Variants in TIAM1 observed in about 807,000 individuals in gnomAD.
TIAM1 encodes TIAM Rac1 associated GEF 1, also known as rho guanine nucleotide exchange factor TIAM1.
In TIAM1, 65 loss-of-function variants were observed where a neutral mutation model predicts 163.5. The observed-to-expected ratio is 0.40, with a 90% CI of 0.33 to 0.49. The LOEUF (loss-of-function observed/expected upper bound fraction) is 0.49. TIAM1 is among the 20% of genes least tolerant of loss of function. The pLI is 0.77. For synonymous variants in TIAM1, 833 were observed against 810.1 expected (o/e 1.03, Z -0.48); for missense variants, 1,789 against 2,044.7 (o/e 0.87, Z 2.41).
chr21:31,232,146 GA>G (rs1601640592), intron 6 of TIAM1, among the ~76,000 whole-genome samples: 1 of 151,724 alleles, frequency 6.6e-6, no homozygotes. Context: ...CAATTTAAAA[GA>G]AAAAATAATT....
chr21:31,165,025 G>T lies in TIAM1; in HGVS notation c.2928C>A (p.Thr976=). The stretch of plus-strand genomic sequence containing the variant: ...CTGGCCCCTCGGTCTCCTCTGGAGC[G>T]GTCTCAGCACTGCTGCCCTGCTCGC... ...LCSEQGSSAE[T]APEETEGPDL... Residue 976 remains threonine (T), a synonymous_variant, in exon 16 of 28, where the codon ACC becomes ACA. Transcript: ENST00000541036. 1 of 1,614,070 alleles carries T rather than the reference G, an allele frequency of 6.2e-7. No homozygotes were observed. The highest frequency in any genetic ancestry group is 8.5e-7 in the Non-Finnish European group (1 of 1,180,044).
chr21:31,219,857 G>A (rs1400941013), intron 8 of TIAM1, among the ~76,000 whole-genome samples: 2 of 152,066 alleles, frequency 1.3e-5, no homozygotes, highest in African/African-American at 4.8e-5. Context: ...GTGTCACAGG[G>A]AACAAAATCA....
At chr21:31,181,756 C>CTTTTTTTTTTTTTTTTTT (rs781153297) in intron 15 of TIAM1, among the ~76,000 whole-genome samples, 1 of 41,342 alleles carries the variant, frequency 2.4e-5, no homozygotes, top group African/African-American at 7.9e-5. Context: ...TCTTCTTCTT[C>CTTTTTTTTTTTTTTTTTT]TTTTTTTTTT....
In TIAM1 at chr21:31,414,323, T is replaced by C. The variant is rs1178424390; in HGVS notation, c.-369+49660A>G. Among the ~76,000 whole-genome samples, 3 of 141,246 alleles carry C rather than the reference T, an allele frequency of 2.1e-5. No individual in the cohort carries two copies. The East Asian group carries it at 7.2e-4, about 34-fold the overall frequency. The allele number at this position is 141,246 out of a possible 152,430, so 92.7% of individuals were successfully genotyped here. ...CATAAATATACAGCTTATGTACACA[T>C]GTCTTCTGCAGGTGGTTTTCATCAG... On this transcript the variant is annotated intron_variant, in intron 2 of 28. Coordinates refer to the TIAM1 transcript ENST00000286827.
chr21:31,134,972 T>C (rs767969052), intron 23 of TIAM1, among the ~76,000 whole-genome samples: 4 of 152,288 alleles, frequency 2.6e-5, no homozygotes, highest in Admixed American at 6.5e-5. Context: ...GGACATTCCA[T>C]TTGGGGATAC....
chr21:31,120,936 C>T lies in TIAM1; in HGVS notation c.4307-99G>A, dbSNP rs1038617163. ...GGACAGGAGAAAATAAAAACCAAAA[C>T]GGTATGCATTGAATGCCTTGATGTC... On this transcript the variant is annotated intron_variant, in intron 27 of 27. Coordinates refer to ENST00000541036, the MANE Select transcript of TIAM1 (RefSeq NM_001353694.2). This position sits in a 1 kb window ranked among gnomAD's most constrained non-coding sequence, Gnocchi z 4.2. The T allele has an allele frequency of 2.1e-5, 24 of 1,166,942 alleles. No individual in the cohort carries two copies. The highest frequency in any genetic ancestry group is 1.4e-4 in the South Asian group (9 of 62,258). The allele number at this position is 1,166,942 out of a possible 1,614,324, so 72.3% of individuals were successfully genotyped here. A position where few individuals can be genotyped will look rare whatever the true frequency, so the allele number is the denominator to read the frequency against.
intron 2 of TIAM1, among the ~76,000 whole-genome samples, chr21:31,426,602 C>T (rs1449930011): frequency 1.3e-5 from 2 of 152,192 alleles, no homozygotes; most frequent in African/African-American, 2.4e-5. Flanking sequence ...GATTCAGAAA[C>T]TCACTCAGGT....
intron 2 of TIAM1, among the ~76,000 whole-genome samples, chr21:31,451,963 G>T (rs979386651): frequency 4.6e-5 from 7 of 152,126 alleles, no homozygotes; most frequent in Non-Finnish European, 1.0e-4. Flanking sequence ...AACACTGGAG[G>T]TGATGCTAAT....
chr21:31,267,776 T>C (rs979099222), intron 3 of TIAM1, among the ~76,000 whole-genome samples: 1 of 152,208 alleles, frequency 6.6e-6, no homozygotes, highest in African/African-American at 2.4e-5. Flanking sequence ...TGCTTAGCAG[T>C]AGATTAATGG....
In TIAM1 at chr21:31,228,220, TAAAAAAAAAAAAAAAAAAAAAAAA is replaced by T. The variant is rs71191197; in HGVS notation, c.1585-2294_1585-2271del. Among the ~76,000 whole-genome samples the T allele has an allele frequency of 3.1e-3, 51 of 16,256 alleles. 1 individual carries two copies. Among genetic ancestry groups the T allele is most frequent in the Non-Finnish European group, 5.4e-3 (43 of 7,926 alleles). The allele number at this position is 16,256 out of a possible 152,430, so 10.7% of individuals were successfully genotyped here. A position where few individuals can be genotyped will look rare whatever the true frequency, so the allele number is the denominator to read the frequency against. On this transcript the variant is annotated intron_variant, in intron 6 of 27. Coordinates refer to ENST00000541036, the MANE Select transcript of TIAM1 (RefSeq NM_001353694.2). Reference sequence around the variant, plus strand: ...GCCACCATGCCCGGCCTCCTTTTTTTAAAAAAAAAAAAAAAAAAAAAAAAAAAAAAAAAAAAAAAGGAAGGAAAA... The same window carrying T: ...GCCACCATGCCCGGCCTCCTTTTTTTAAAAAAAAAAAAAAAGGAAGGAAAA...
At chr21:31,445,937 A>T (rs1388479105) in intron 2 of TIAM1, among the ~76,000 whole-genome samples, 2 of 151,586 alleles carry the variant, frequency 1.3e-5, no homozygotes, top group Non-Finnish European at 2.9e-5. Flanking sequence ...TTTTATTTTT[A>T]TTTTTTATTT....
intron 2 of TIAM1, among the ~76,000 whole-genome samples, chr21:31,322,087 T>G (rs191851705): frequency 1.3e-5 from 2 of 152,084 alleles, no homozygotes; most frequent in East Asian, 1.9e-4. Context: ...GAGAAAGAAA[T>G]AAAAATCTAG....
chr21:31,407,629 A>ATTTTTT lies in TIAM1; in HGVS notation c.-369+56348_-369+56353dup, dbSNP rs562921160. On this transcript the variant is annotated intron_variant, in intron 2 of 28. Coordinates refer to the TIAM1 transcript ENST00000286827. ...TTTTCAAATGAGTCATTTGCTCTTA[A>ATTTTTT]TTTTTTTTTTTTTTTTTTTTTTTTT... 1.8e-3 allele frequency among the ~76,000 whole-genome samples: 171 copies of ATTTTTT among 94,078 alleles called. 3 individuals carry two copies. Among genetic ancestry groups the ATTTTTT allele is most frequent in the Middle Eastern group, 6.7e-3 (1 of 150 alleles). 61.7% of individuals were successfully genotyped at this position (94,078 alleles called of 152,430 possible).
chr21:31,287,933 T>G (rs1279961082), intron 2 of TIAM1, among the ~76,000 whole-genome samples: 1 of 152,072 alleles, frequency 6.6e-6, no homozygotes. Flanking sequence ...ACGGGGACAG[T>G]GAGTGCCTTG....
intron 2 of TIAM1, among the ~76,000 whole-genome samples, chr21:31,293,113 C>T (rs775448557): frequency 1.4e-4 from 21 of 152,188 alleles, no homozygotes; most frequent in Non-Finnish European, 2.4e-4. Flanking sequence ...TGTGAGCCAC[C>T]GTGCCCAGCC....
chr21:31,292,129 T>C (rs1010084521), intron 2 of TIAM1, among the ~76,000 whole-genome samples: 1 of 152,146 alleles, frequency 6.6e-6, no homozygotes, highest in African/African-American at 2.4e-5. Context: ...ACGAATCACT[T>C]TCTCCATCTG....
intron 4 of TIAM1, among the ~76,000 whole-genome samples, chr21:31,262,886 C>T (rs750419260): frequency 3.5e-4 from 53 of 152,020 alleles, no homozygotes; most frequent in Non-Finnish European, 6.3e-4. Context: ...ACTTTAATAT[C>T]TATGATTCAA....
intron 3 of TIAM1, among the ~76,000 whole-genome samples, chr21:31,276,191 T>C (rs750153472): frequency 1.3e-5 from 2 of 152,120 alleles, no homozygotes; most frequent in Non-Finnish European, 2.9e-5. Flanking sequence ...TGAGACGAAG[T>C]TCTGAAAGTT....
chr21:31,544,411 A>C (rs1003246263), intron 1 of TIAM1, among the ~76,000 whole-genome samples: 1 of 66,866 alleles, frequency 1.5e-5, no homozygotes, highest in African/African-American at 3.6e-5. Context: ...GAAACCTCGA[A>C]ATGACGAAGG....
Sources: gnomAD v4.1 joint callset for allele counts (sites outside exome capture counted in the v4.1 genomes callset) on GRCh38, gnomAD v4.1.1 for gene constraint, Gnocchi (gnomAD v3.1) non-coding constraint, MANE v1.5 for transcripts, NCBI Gene and HGNC (gene_info 2026-07-23, HGNC 2026-07-21) for gene names.